Variants in DCDC2 observed in about 807,000 individuals in gnomAD.
DCDC2 encodes the protein doublecortin domain-containing protein 2.
DCDC2 carries 40 observed loss-of-function variants against 50.2 expected under a neutral mutation model. That is an observed-to-expected ratio of 0.80 (90% CI 0.62 to 1.04). The LOEUF (loss-of-function observed/expected upper bound fraction) is 1.04. Ranked by LOEUF, DCDC2 falls within the 50% of genes least tolerant of loss-of-function variation. DCDC2 has a pLI of 0.00. For missense variants in DCDC2, 570 were observed against 581.9 expected (o/e 0.98, Z 0.21); for synonymous variants, 234 against 210.6 (o/e 1.11, Z -0.96).
chr6:24,196,112 C>CT (rs2113754559), intron 8 of DCDC2, among the ~76,000 whole-genome samples: 1 of 152,154 alleles, frequency 6.6e-6, no homozygotes, highest in East Asian at 1.9e-4. Context: ...AGCTAATGGC[C>CT]TTAGAGAGAG....
At chr6:24,318,195 TCA>T (rs111236590) in intron 2 of DCDC2, among the ~76,000 whole-genome samples, 26,668 of 151,910 alleles carry the variant, frequency 0.18, 2,514 homozygotes, top group African/African-American at 0.25. Context: ...AAATACATAT[TCA>T]CAGTTTTATT....
intron 7 of DCDC2, among the ~76,000 whole-genome samples, chr6:24,214,588 C>T (rs1043415722): frequency 6.6e-6 from 1 of 152,080 alleles, no homozygotes; most frequent in East Asian, 1.9e-4. Context: ...GTAGGTTTAC[C>T]TAAACCAACA....
chr6:24,290,197 T>G (rs947474126), intron 5 of DCDC2, among the ~76,000 whole-genome samples: 1 of 150,856 alleles, frequency 6.6e-6, no homozygotes, highest in Non-Finnish European at 1.5e-5. Context: ...GTTTCACCGT[T>G]TTAGCCGGGA....
intron 7 of DCDC2, among the ~76,000 whole-genome samples, chr6:24,251,497 G>A (rs573467849): frequency 6.6e-6 from 1 of 152,284 alleles, no homozygotes; most frequent in African/African-American, 2.4e-5. Flanking sequence ...CTATCTCAGA[G>A]AGAACTCTGC....
chr6:24,358,851 T>A (rs368799728), upstream of DCDC2, among the ~76,000 whole-genome samples: 7 of 40,576 alleles, frequency 1.7e-4, no homozygotes, highest in South Asian at 7.8e-4. Flanking sequence ...ATTTATATAT[T>A]ATATATAATA....
At chr6:24,351,126 T>C (rs1760361967) in intron 2 of DCDC2, among the ~76,000 whole-genome samples, 1 of 152,220 alleles carries the variant, frequency 6.6e-6, no homozygotes, top group Admixed American at 6.5e-5. Context: ...GTCAAAGTGA[T>C]ATTTCCAGAA....
chr6:24,177,179 T>A (rs183928946), intron 9 of DCDC2, among the ~76,000 whole-genome samples: 50 of 152,338 alleles, frequency 3.3e-4, no homozygotes, highest in African/African-American at 1.2e-3. Context: ...TAAATGACGC[T>A]GAGGACTATG....
intron 7 of DCDC2, among the ~76,000 whole-genome samples, chr6:24,239,646 A>C (rs1762525664): frequency 6.6e-6 from 1 of 152,192 alleles, no homozygotes; most frequent in African/African-American, 2.4e-5. Context: ...GCTAAAAGGG[A>C]AAGTTCTCTT....
intron 2 of DCDC2, among the ~76,000 whole-genome samples, chr6:24,345,599 CAAG>C (rs150158134): frequency 0.06 from 9,110 of 152,190 alleles, 350 homozygotes; most frequent in Middle Eastern, 0.085. Context: ...ATGGCTTATC[CAAG>C]AAGAAGGCTG....
intron 7 of DCDC2, among the ~76,000 whole-genome samples, chr6:24,239,034 G>A (rs983048197): frequency 6.6e-6 from 1 of 152,164 alleles, no homozygotes; most frequent in African/African-American, 2.4e-5. Flanking sequence ...CTTATCTGTG[G>A]TAGGTTGCCA....
chr6:24,309,935 G>A lies in DCDC2; in HGVS notation c.349-7891C>T, dbSNP rs184247032. ...GCTTGAGCCCAGGAGTTCAGGACCA[G>A]CTTGGGCAACATAGTGAGACCCTGT... On this transcript the variant is annotated intron_variant, in intron 2 of 9. Coordinates refer to ENST00000378454, the MANE Select transcript of DCDC2 (RefSeq NM_016356.5). 4.6e-3 allele frequency among the ~76,000 whole-genome samples: 702 copies of A among 152,152 alleles called. 6 individuals are homozygous for A. Among genetic ancestry groups the A allele is most frequent in the Middle Eastern group, 0.014 (4 of 294 alleles).
At chr6:24,359,339 A>G (rs1760598850), upstream of DCDC2, among the ~76,000 whole-genome samples, 1 of 61,418 alleles carries the variant, frequency 1.6e-5, no homozygotes, top group Non-Finnish European at 2.6e-5. Context: ...TATATATTAT[A>G]TATTATATAT....
chr6:24,197,870 C>T (rs974217705), intron 8 of DCDC2, among the ~76,000 whole-genome samples: 1 of 152,194 alleles, frequency 6.6e-6, no homozygotes, highest in Non-Finnish European at 1.5e-5. Flanking sequence ...TCATTTCCCC[C>T]TCCTCACCTA....
At chr6:24,261,250 C>T (rs1024766445) in intron 7 of DCDC2, among the ~76,000 whole-genome samples, 4 of 140,816 alleles carry the variant, frequency 2.8e-5, no homozygotes, top group African/African-American at 1.0e-4. Context: ...AATGTCTCTA[C>T]CTTTGTTTCT....
chr6:24,236,173 C>T lies in DCDC2; in HGVS notation c.923-31071G>A, dbSNP rs75862738. On this transcript the variant is annotated intron_variant, in intron 7 of 9. Coordinates refer to ENST00000378454, the MANE Select transcript of DCDC2 (RefSeq NM_016356.5). ...AAAGAACAAACCTGAAGGTGTCATA[C>T]TACCTGACTTCAAACTATACTAAAA... Among the ~76,000 whole-genome samples the T allele has an allele frequency of 9.1e-3, 1,390 of 152,224 alleles. 11 individuals are homozygous for T. The highest frequency in any genetic ancestry group is 0.018 in the African/African-American group (737 of 41,528).
chr6:24,291,175 T>C (rs944929916), intron 4 of DCDC2, 97 bp from the exon 5 acceptor site: 7 of 1,223,648 alleles, frequency 5.7e-6, no homozygotes, highest in Non-Finnish European at 8.1e-6. Flanking sequence ...AAAATTAAAA[T>C]TACATAGTAA....
chr6:24,350,939 C>G (rs1442109967), intron 2 of DCDC2, among the ~76,000 whole-genome samples: 6 of 152,140 alleles, frequency 3.9e-5, no homozygotes, highest in Non-Finnish European at 7.3e-5. Flanking sequence ...GATCATCCTC[C>G]AACTTATCAA....
intron 8 of DCDC2, among the ~76,000 whole-genome samples, chr6:24,196,087 C>A (rs1379588478): frequency 6.6e-6 from 1 of 152,170 alleles, no homozygotes; most frequent in African/African-American, 2.4e-5. Context: ...GGAAAACAGT[C>A]CAAAGACATT....
chr6:24,216,939 C>T (rs551734594), intron 7 of DCDC2, among the ~76,000 whole-genome samples: 1 of 152,278 alleles, frequency 6.6e-6, no homozygotes, highest in African/African-American at 2.4e-5. Context: ...AAATCCATTG[C>T]AGGAGGTCAG....
Sources: gnomAD v4.1 joint callset for allele counts (sites outside exome capture counted in the v4.1 genomes callset) on GRCh38, gnomAD v4.1.1 for gene constraint, MANE v1.5 for transcripts, NCBI Gene and HGNC (gene_info 2026-07-23, HGNC 2026-07-21) for gene names.